The following MACROD2 variants were observed in gnomAD, a reference collection of about 807,000 sequenced individuals.
The protein encoded by MACROD2 is ADP-ribose glycohydrolase MACROD2.
In MACROD2, 36 loss-of-function variants were observed where a neutral mutation model predicts 70.4. The observed-to-expected ratio is 0.51, with a 90% confidence interval of 0.39 to 0.68. The LOEUF (loss-of-function observed/expected upper bound fraction) is 0.68, where lower values mean the gene tolerates loss of function less well. Ranked by LOEUF, MACROD2 falls within the 30% of genes least tolerant of loss-of-function variation. MACROD2 has a pLI of 0.00. For missense variants in MACROD2, 496 were observed against 538.4 expected (o/e 0.92, Z 0.78); for synonymous variants, 172 against 178.8 (o/e 0.96, Z 0.30).
intron 3 of MACROD2, among the ~76,000 whole-genome samples, chr20:14,263,790 G>C (rs886549040): frequency 6.6e-6 from 1 of 151,456 alleles, no homozygotes; most frequent in Non-Finnish European, 1.5e-5. Context: ...GTGAAATCCC[G>C]ACTCCACACA....
At chr20:15,995,068 G>A (rs1038275446) in intron 15 of MACROD2, among the ~76,000 whole-genome samples, 3 of 152,134 alleles carry the variant, frequency 2.0e-5, no homozygotes, top group Admixed American at 6.5e-5. Context: ...ATACTCAATT[G>A]ATATATAATT....
chr20:14,857,860 G>A (rs938980077), intron 5 of MACROD2, among the ~76,000 whole-genome samples: 8 of 140,178 alleles, frequency 5.7e-5, no homozygotes, highest in East Asian at 4.0e-4. Flanking sequence ...CACTCTTGTC[G>A]CCCAGGCTGG....
intron 8 of MACROD2, among the ~76,000 whole-genome samples, chr20:15,821,412 G>A (rs1363184669): frequency 1.3e-5 from 2 of 151,574 alleles, no homozygotes; most frequent in African/African-American, 2.4e-5. Flanking sequence ...ATTTAGTTTT[G>A]AAGACAAGAA....
intron 8 of MACROD2, among the ~76,000 whole-genome samples, chr20:15,846,735 C>T (rs1286607353): frequency 3.9e-5 from 6 of 151,950 alleles, no homozygotes; most frequent in East Asian, 1.9e-4. Context: ...GAAAACATGG[C>T]GAAATGTCAG....
intron 10 of MACROD2, among the ~76,000 whole-genome samples, chr20:15,932,273 T>C (rs886639528): frequency 1.3e-5 from 2 of 152,106 alleles, no homozygotes; most frequent in African/African-American, 4.8e-5. Context: ...GCATGGGGAT[T>C]GGCTTCCCAG....
At chr20:14,331,722 G>A (rs1039517157) in intron 3 of MACROD2, among the ~76,000 whole-genome samples, 6 of 151,936 alleles carry the variant, frequency 3.9e-5, no homozygotes, top group Admixed American at 1.3e-4. Context: ...TTTGGTTTTG[G>A]CATATTAAAG....
At chr20:15,361,418 T>C (rs1314128248) in intron 6 of MACROD2, among the ~76,000 whole-genome samples, 1 of 152,212 alleles carries the variant, frequency 6.6e-6, no homozygotes, top group Admixed American at 6.5e-5. Context: ...TACGATGTAT[T>C]GATCTTGTGT....
chr20:15,509,738 C>A (rs1224860675), intron 8 of MACROD2, among the ~76,000 whole-genome samples: 1 of 152,148 alleles, frequency 6.6e-6, no homozygotes, highest in Non-Finnish European at 1.5e-5. Flanking sequence ...TCTTACATAG[C>A]CTTAAACAAT....
intron 5 of MACROD2, among the ~76,000 whole-genome samples, chr20:14,753,759 G>T (rs2071905331): frequency 6.6e-6 from 1 of 151,968 alleles, no homozygotes; most frequent in African/African-American, 2.4e-5. Flanking sequence ...AGTTAAAATG[G>T]GTAATATCAG....
chr20:14,129,282 A>G (rs1201128701), intron 3 of MACROD2, among the ~76,000 whole-genome samples: 1 of 152,236 alleles, frequency 6.6e-6, no homozygotes, highest in Non-Finnish European at 1.5e-5. Flanking sequence ...TTCGAGGTCC[A>G]TCCAAGTTCA....
intron 3 of MACROD2, among the ~76,000 whole-genome samples, chr20:14,354,768 T>G (rs1003285484): frequency 2.0e-5 from 3 of 152,180 alleles, no homozygotes; most frequent in Admixed American, 6.5e-5. Flanking sequence ...CTCCCTTCCT[T>G]CTCTAGTAGT....
intron 5 of MACROD2, among the ~76,000 whole-genome samples, chr20:15,061,118 A>G (rs1460770494): frequency 6.6e-6 from 1 of 152,172 alleles, no homozygotes; most frequent in Non-Finnish European, 1.5e-5. Flanking sequence ...AATGCTTGTG[A>G]TAGTGTATGC....
At chr20:15,827,038 C>A (rs1353818406) in intron 8 of MACROD2, among the ~76,000 whole-genome samples, 1 of 152,088 alleles carries the variant, frequency 6.6e-6, no homozygotes, top group African/African-American at 2.4e-5. Context: ...AATGGTAGAA[C>A]TTTTCTTTTG....
chr20:14,978,375 GCC>G (rs5840643), intron 5 of MACROD2, among the ~76,000 whole-genome samples: 1 of 138,670 alleles, frequency 7.2e-6, no homozygotes, highest in East Asian at 2.2e-4. Context: ...TCCGCGCCCC[GCC>G]CCCCCCACTT....
At chr20:14,230,122 C>T (rs1321381597) in intron 3 of MACROD2, among the ~76,000 whole-genome samples, 4 of 152,106 alleles carry the variant, frequency 2.6e-5, no homozygotes, top group Non-Finnish European at 5.9e-5. Context: ...AGGGTCTTGG[C>T]TCATTGTTGA....
chr20:14,736,932 C>A (rs1407212845), intron 5 of MACROD2, among the ~76,000 whole-genome samples: 1 of 152,038 alleles, frequency 6.6e-6, no homozygotes, highest in Admixed American at 6.6e-5. Context: ...ACAACAGAAT[C>A]TGTATCACCA....
intron 8 of MACROD2, among the ~76,000 whole-genome samples, chr20:15,754,992 G>A (rs1033265561): frequency 2.0e-5 from 3 of 151,900 alleles, no homozygotes; most frequent in Non-Finnish European, 4.4e-5. Flanking sequence ...CTGGGTAGTT[G>A]GGATTACAGG....
At position 14,406,167 on chromosome 20, in the gene MACROD2, T is replaced by C. The variant is rs1275085498; in HGVS notation, c.272-87312T>C. 3.3e-5 allele frequency among the ~76,000 whole-genome samples: 5 copies of C among 152,150 alleles called. No individual in the cohort carries two copies. In the East Asian group the frequency reaches 9.6e-4, roughly 29 times the overall value. On this transcript the variant is annotated intron_variant, in intron 3 of 17. Transcript: ENST00000684519. ...CCTCTCTGACCTATCTTATGGGAAGTACTCCAACAATGGATAAGATGTACT... is the reference window on the plus strand; with the variant it reads ...CCTCTCTGACCTATCTTATGGGAAGCACTCCAACAATGGATAAGATGTACT...
chr20:14,514,197 A>G (rs1467226163), intron 4 of MACROD2, among the ~76,000 whole-genome samples: 1 of 152,270 alleles, frequency 6.6e-6, no homozygotes, highest in East Asian at 1.9e-4. Context: ...ATAACATGAT[A>G]TGAACATAGC....
Sources: gnomAD v4.1 joint callset for allele counts (sites outside exome capture counted in the v4.1 genomes callset) on GRCh38, gnomAD v4.1.1 for gene constraint, MANE v1.5 for transcripts, NCBI Gene and HGNC (gene_info 2026-07-23, HGNC 2026-07-21) for gene names.